The following RAB11FIP4 variants were observed in gnomAD, a reference collection of about 807,000 sequenced individuals.
RAB11FIP4 encodes RAB11 family interacting protein 4.
RAB11FIP4 carries 23 observed loss-of-function variants against 74.3 expected under a neutral mutation model. The ratio of observed to expected loss-of-function variants is 0.31; its 90% confidence interval spans 0.22 to 0.44. The LOEUF (loss-of-function observed/expected upper bound fraction) is 0.44, where lower values mean the gene tolerates loss of function less well. Among genes scored for constraint, RAB11FIP4 ranks in the 20% least tolerant of loss-of-function variants. The pLI is 1.00. For synonymous variants in RAB11FIP4, 360 were observed against 359.9 expected (o/e 1.00, Z 0.00); for missense variants, 630 against 863.9 (o/e 0.73, Z 3.39).
In RAB11FIP4 at chr17:31,434,056, T is replaced by C. The variant is rs371775178; in HGVS notation, c.270T>C (p.Asp90=). 6.3e-7 allele frequency: 1 copy of C among 1,586,780 alleles called. No individual in the cohort carries two copies. ...CAGGGTGCGAGGAGCTGCTGAAGGA[T>C]GTGCTGTCGGTGGAGAGCGCGGGGA... ...AMKGCEELLK[D]VLSVESAGTL... The change falls in exon 3 of 15, where the codon GAT becomes GAC. Residue 90 remains aspartate, a synonymous_variant. Coordinates refer to ENST00000621161, the MANE Select transcript of RAB11FIP4 (RefSeq NM_032932.6).
intron 7 of RAB11FIP4, chr17:31,523,247 G>T: frequency 1.9e-6 from 1 of 520,542 alleles, no homozygotes; most frequent in Non-Finnish European, 3.5e-6. Context: ...CTGGCGTGAA[G>T]AGGGTTCTGA....
intron 3 of RAB11FIP4, among the ~76,000 whole-genome samples, chr17:31,442,284 C>T (rs1339370190): frequency 6.6e-6 from 1 of 152,166 alleles, no homozygotes; most frequent in Non-Finnish European, 1.5e-5. Flanking sequence ...CAGGCGTGAG[C>T]CACCATGCCC....
chr17:31,493,064 C>T (rs2072042244), intron 3 of RAB11FIP4, among the ~76,000 whole-genome samples: 1 of 151,982 alleles, frequency 6.6e-6, no homozygotes, highest in African/African-American at 2.4e-5. Context: ...TCTGAGTGAC[C>T]TCCAGCCCAG....
intron 1 of RAB11FIP4, among the ~76,000 whole-genome samples, chr17:31,408,633 A>G (rs944630667): frequency 3.9e-5 from 6 of 152,218 alleles, no homozygotes; most frequent in Non-Finnish European, 7.3e-5. Flanking sequence ...CATCCAGTTC[A>G]AAAGTCATTG....
intron 10 of RAB11FIP4, chr17:31,526,933 A>G (rs111728240): frequency 0.12 from 18,943 of 152,266 alleles, 1,440 homozygotes; most frequent in Middle Eastern, 0.22. Flanking sequence ...ACAGACAAAC[A>G]AACAAAAAAC....
intron 9 of RAB11FIP4, chr17:31,524,762 G>A: frequency 2.7e-6 from 1 of 376,884 alleles, no homozygotes; most frequent in Non-Finnish European, 4.9e-6. Flanking sequence ...GGGGTGGCCG[G>A]GAAGGAACAG....
At chr17:31,478,793 G>A (rs1033252930) in intron 3 of RAB11FIP4, among the ~76,000 whole-genome samples, 2 of 152,232 alleles carry the variant, frequency 1.3e-5, no homozygotes, top group African/African-American at 4.8e-5. Context: ...TAGGACTGCA[G>A]AGGTGCATGT....
At chr17:31,498,868 T>C (rs1414194808) in intron 3 of RAB11FIP4, among the ~76,000 whole-genome samples, 3 of 152,244 alleles carry the variant, frequency 2.0e-5, no homozygotes, top group Non-Finnish European at 1.5e-5. Context: ...GAAGTGTTTT[T>C]ATCATCGCTC....
intron 3 of RAB11FIP4, among the ~76,000 whole-genome samples, chr17:31,464,906 A>T (rs1452902930): frequency 6.6e-6 from 1 of 151,556 alleles, no homozygotes; most frequent in Non-Finnish European, 1.5e-5. Context: ...AACTACAGGC[A>T]CGTACCATCA....
At chr17:31,448,622 C>T (rs549306415) in intron 3 of RAB11FIP4, 30 of 152,118 alleles carry the variant, frequency 2.0e-4, no homozygotes, top group African/African-American at 4.8e-4. Flanking sequence ...TTTGACCCCG[C>T]GTGGCTGAGG....
intron 3 of RAB11FIP4, among the ~76,000 whole-genome samples, chr17:31,468,471 A>G (rs1043585420): frequency 3.3e-5 from 5 of 152,150 alleles, no homozygotes; most frequent in Non-Finnish European, 7.4e-5. Flanking sequence ...AGAGCAATGC[A>G]TTCTCTGGTG....
chr17:31,437,691 G>T (rs922617591), intron 3 of RAB11FIP4, among the ~76,000 whole-genome samples: 1 of 152,186 alleles, frequency 6.6e-6, no homozygotes, highest in African/African-American at 2.4e-5. Context: ...CTTAACCACT[G>T]GATGTGGCTC....
At chr17:31,414,624 C>T (rs897516176) in intron 1 of RAB11FIP4, among the ~76,000 whole-genome samples, 6 of 152,174 alleles carry the variant, frequency 3.9e-5, no homozygotes, top group African/African-American at 1.4e-4. Flanking sequence ...CCAGCTGTGG[C>T]GGCTGGGACA....
intron 3 of RAB11FIP4, among the ~76,000 whole-genome samples, chr17:31,502,230 A>AG (rs1377253274): frequency 1.3e-5 from 2 of 151,000 alleles, no homozygotes; most frequent in Admixed American, 6.6e-5. Flanking sequence ...TCTCAAAAAA[A>AG]AAAAAAATTG....
In RAB11FIP4 at chr17:31,503,016, T is replaced by TTTA. The variant is rs1347391571; in HGVS notation, c.337-14617_337-14615dup. ...GACTTCAATTTAAATGAATTACCTC[T>TTTA]TTATTATTATTATTATTATTTTGTT... On this transcript the variant is annotated intron_variant, in intron 3 of 14. Transcript: ENST00000621161. Among the ~76,000 whole-genome samples the TTTA allele has an allele frequency of 4.6e-4, 45 of 97,478 alleles. 1 individual carries two copies. In the South Asian group the frequency reaches 5.3e-3, roughly 11 times the overall value. The allele number at this position is 97,478 out of a possible 152,430, so 63.9% of individuals were successfully genotyped here. A position where few individuals can be genotyped will look rare whatever the true frequency, so the allele number is the denominator to read the frequency against.
chr17:31,404,869 C>T (rs544198820), intron 1 of RAB11FIP4, among the ~76,000 whole-genome samples: 1 of 151,864 alleles, frequency 6.6e-6, no homozygotes, highest in African/African-American at 2.4e-5. Flanking sequence ...AAATGGATGG[C>T]GGGGCTGAGT....
At chr17:31,438,313 C>A (rs955034225) in intron 3 of RAB11FIP4, among the ~76,000 whole-genome samples, 1 of 152,072 alleles carries the variant, frequency 6.6e-6, no homozygotes, top group African/African-American at 2.4e-5. Flanking sequence ...GAACCCTAAT[C>A]CTACAAGTGC....
At position 31,404,552 on chromosome 17, in the gene RAB11FIP4, C is replaced by T. The variant is rs147763473; in HGVS notation, c.159+12541C>T. On this transcript the variant is annotated intron_variant, in intron 1 of 14. Transcript: ENST00000621161. Reference sequence around the variant, plus strand: ...AGCAATGCATGTTAAACCCTCAAAACGACACGTGACATAGTGTCACATATG... The same window carrying T: ...AGCAATGCATGTTAAACCCTCAAAATGACACGTGACATAGTGTCACATATG... Among the ~76,000 whole-genome samples the T allele has an allele frequency of 7.0e-4, 107 of 152,366 alleles. 1 individual carries two copies. The East Asian group carries it at 0.019, about 27-fold the overall frequency.
At chr17:31,522,788 G>C in intron 7 of RAB11FIP4, 1 of 232,632 alleles carries the variant, frequency 4.3e-6, no homozygotes, top group East Asian at 1.0e-4. Flanking sequence ...GCGCCATTGG[G>C]GCTGGTCACT....
Sources: gnomAD v4.1 joint callset for allele counts (sites outside exome capture counted in the v4.1 genomes callset) on GRCh38, gnomAD v4.1.1 for gene constraint, MANE v1.5 for transcripts, NCBI Gene and HGNC (gene_info 2026-07-23, HGNC 2026-07-21) for gene names.